The following CACNA1S variants were observed in gnomAD, a reference collection of about 807,000 sequenced individuals.
CACNA1S encodes the protein calcium voltage-gated channel subunit alpha1 S.
Under a neutral mutation model 207.4 loss-of-function variants are expected in CACNA1S, and 126 were observed. The ratio of observed to expected loss-of-function variants is 0.61; its 90% CI spans 0.53 to 0.70. CACNA1S has a LOEUF of 0.70. Among genes scored for constraint, CACNA1S ranks in the 30% least tolerant of loss-of-function variants. The pLI is 0.00. For synonymous variants in CACNA1S, 960 were observed against 932.7 expected (o/e 1.03, Z -0.53); for missense variants, 2,349 against 2,422.8 (o/e 0.97, Z 0.64).
Position 201,089,482 on chromosome 1 carries a change from G to T in CACNA1S, c.695-19C>A. The T allele has an allele frequency of 6.2e-7, 1 of 1,612,090 alleles. No homozygotes were observed. The highest frequency in any genetic ancestry group is 2.2e-5 in the East Asian group (1 of 44,854). On this transcript the variant is annotated intron_variant, in intron 5 of 43. Transcript: ENST00000362061. ...ACGATATCTGGAGGCAGAAGGCAAA[G>T]GGAACATCAGACAACAGTAGTAGGT...
At position 201,070,278 on chromosome 1, in the gene CACNA1S, G is replaced by T; in HGVS notation, c.2354C>A (p.Thr785Asn). ...GCAGCCAAGGGGCACCCACTTATTG[G>T]TGGGGCTGAAGATGAAGAAGGAGCT... ...EASSFFIFSPTNKIRVLCHRI... is the reference protein window; with the variant it reads ...EASSFFIFSPNNKIRVLCHRI... The change falls in exon 17 of 44, where the codon ACC becomes AAC. Residue 785 changes from threonine to asparagine, a missense_variant. By Grantham distance (65) the Thr-to-Asn change is moderately conservative. Coordinates refer to ENST00000362061, the MANE Select transcript of CACNA1S (RefSeq NM_000069.3). 6.2e-7 allele frequency: 1 copy of T among 1,614,024 alleles called. No individual in the cohort carries two copies. Among genetic ancestry groups the T allele is most frequent in the African/African-American group, 1.3e-5 (1 of 75,056 alleles).
At chr1:201,107,097 G>A (rs932298218) in intron 2 of CACNA1S, among the ~76,000 whole-genome samples, 1 of 152,234 alleles carries the variant, frequency 6.6e-6, no homozygotes, top group Admixed American at 6.5e-5. Context: ...CCTTTTGTGA[G>A]CCAAGGTTCC....
Position 201,070,525 on chromosome 1 carries a change from C to G in CACNA1S, c.2228-121G>C, listed in dbSNP as rs1474096090. ...AGTAAGCAAGGGACCACCAGGCTGA[C>G]TTGGGACCCTAGGGCTTTGGCAGAG... On this transcript the variant is annotated intron_variant, in intron 16 of 43. Transcript: ENST00000362061. 2.2e-6 allele frequency: 3 copies of G among 1,358,904 alleles called. No homozygotes were observed. In the African/African-American group the frequency reaches 4.3e-5, roughly 19 times the overall value. 84.2% of individuals were successfully genotyped at this position (1,358,904 alleles called of 1,614,324 possible).
intron 5 of CACNA1S, among the ~76,000 whole-genome samples, chr1:201,090,238 G>A (rs1286053875): frequency 1.3e-5 from 2 of 152,212 alleles, no homozygotes; most frequent in Admixed American, 6.5e-5. Flanking sequence ...CCCGATCCGA[G>A]AGGGGCTTTT....
Position 201,039,699 on chromosome 1 carries a change from G to T in CACNA1S, c.*132C>A. On this transcript the variant is annotated 3_prime_UTR_variant, in exon 44 of 44. Transcript: ENST00000362061. ...TTTTGAGGTGGTTCCTGACCACCCTGCCTCAGGCCATGCATCTAGCTGCTG... is the reference window on the plus strand; with the variant it reads ...TTTTGAGGTGGTTCCTGACCACCCTTCCTCAGGCCATGCATCTAGCTGCTG... The T allele has an allele frequency of 7.9e-7, 1 of 1,264,614 alleles. No individual in the cohort carries two copies. Among genetic ancestry groups the T allele is most frequent in the Non-Finnish European group, 1.1e-6 (1 of 889,054 alleles). 78.3% of individuals were successfully genotyped at this position (1,264,614 alleles called of 1,614,324 possible).
At chr1:201,048,064 C>T (rs1250299690) in intron 36 of CACNA1S, among the ~76,000 whole-genome samples, 2 of 152,236 alleles carry the variant, frequency 1.3e-5, no homozygotes, top group African/African-American at 2.4e-5. Flanking sequence ...GAGTGGTCCC[C>T]ATGTGGGGAT....
At chr1:201,102,747 T>C (rs1354216006) in intron 2 of CACNA1S, among the ~76,000 whole-genome samples, 1 of 152,196 alleles carries the variant, frequency 6.6e-6, no homozygotes, top group African/African-American at 2.4e-5. Flanking sequence ...ATGATATGTA[T>C]AGACAGTTTG....
intron 12 of CACNA1S, 89 bp downstream of exon 12, chr1:201,076,831 G>A: frequency 8.3e-7 from 1 of 1,199,382 alleles, no homozygotes; most frequent in Non-Finnish European, 1.2e-6. Context: ...AGGCTTCCTG[G>A]AGAAGGTGAT....
At chr1:201,101,612 G>A (rs12405259) in intron 2 of CACNA1S, among the ~76,000 whole-genome samples, 17,693 of 152,182 alleles carry the variant, frequency 0.12, 1,092 homozygotes, top group Non-Finnish European at 0.12. Flanking sequence ...AGAGAGACTC[G>A]CACCTTTCAG....
intron 5 of CACNA1S, among the ~76,000 whole-genome samples, chr1:201,090,645 C>G (rs567927994): frequency 6.6e-6 from 1 of 152,120 alleles, no homozygotes; most frequent in Admixed American, 6.6e-5. Context: ...GAGTGGGACC[C>G]GAGATTCTTT....
chr1:201,045,469 T>C (rs1397384200), intron 38 of CACNA1S, among the ~76,000 whole-genome samples: 1 of 152,118 alleles, frequency 6.6e-6, no homozygotes, highest in Non-Finnish European at 1.5e-5. Context: ...GCATGGTGAC[T>C]CACGTCTGTA....
chr1:201,067,951 C>T (rs563814292), intron 19 of CACNA1S, among the ~76,000 whole-genome samples: 2 of 152,196 alleles, frequency 1.3e-5, no homozygotes, highest in Non-Finnish European at 2.9e-5. Flanking sequence ...TGTGAATGTG[C>T]ACGCGGGGGC....
rs140453525 is a variant in CACNA1S, at chr1:201,062,040, C to G, written c.2957G>C (p.Arg986Pro). 6.2e-7 allele frequency: 1 copy of G among 1,614,174 alleles called. No homozygotes were observed. Among genetic ancestry groups the G allele is most frequent in the South Asian group, 1.1e-5 (1 of 91,084 alleles). ...KDGDPMQIEL[R>P]HREWVHSDFH... ...GTCGCTGTGTACCCACTCGCGGTGACGCAGCTCTATCTGCATGGGGTCCCC... is the reference window on the plus strand; with the variant it reads ...GTCGCTGTGTACCCACTCGCGGTGAGGCAGCTCTATCTGCATGGGGTCCCC... Residue 986 changes from arginine to proline, a missense_variant, in exon 24 of 44, where the codon CGT (arginine) becomes CCT (proline). By Grantham distance (103) the Arg-to-Pro change is moderately radical (BLOSUM62 -2). Coordinates refer to ENST00000362061, the MANE Select transcript of CACNA1S (RefSeq NM_000069.3).
rs374608839 is a variant in CACNA1S at position 201,053,552 on chromosome 1, G to A, written c.3702C>T (p.Phe1234=). ...PDESARISSA[F]FRLFRVMRLI... ...GCCTCATGACACGGAACAGGCGGAA[G>A]AAGGCGCTGGAGATGCGGGCACTCT... The change falls in exon 30 of 44, where the codon TTC becomes TTT. Residue 1234 remains phenylalanine, a synonymous_variant. Transcript: ENST00000362061. The surrounding 1 kb of genome is among the most constrained non-coding windows in gnomAD (Gnocchi z 5.1). 4 of 1,613,854 alleles carry A rather than the reference G, an allele frequency of 2.5e-6. No homozygotes were observed. The highest frequency in any genetic ancestry group is 3.4e-6 in the Non-Finnish European group (4 of 1,179,958).
At chr1:201,042,704 T>C (rs1253813977) in intron 40 of CACNA1S, among the ~76,000 whole-genome samples, 1 of 152,246 alleles carries the variant, frequency 6.6e-6, no homozygotes, top group East Asian at 1.9e-4. Flanking sequence ...GGGCTAAGCC[T>C]TTCCAGGCCG....
At position 201,065,881 on chromosome 1, in the gene CACNA1S, A is replaced by G; in HGVS notation, c.2810T>C (p.Leu937Pro). 1 of 1,614,066 alleles carries G rather than the reference A, an allele frequency of 6.2e-7. No individual in the cohort carries two copies. The highest frequency in any genetic ancestry group is 1.7e-5 in the Admixed American group (1 of 60,026). ...TIGNIVLVTT[L>P]LQFMFACIGV... ...GATGCAGGCAAACATGAACTGTAGG[A>G]GGGTAGTGACCAGCACGATGTTCCC... The change falls in exon 22 of 44, where the codon CTC becomes CCC. Residue 937 changes from leucine (L) to proline (P), a missense_variant. Coordinates refer to ENST00000362061, the MANE Select transcript of CACNA1S (RefSeq NM_000069.3).
chr1:201,062,144 C>T, intron 23 of CACNA1S, 54 bp from the exon 24 acceptor site: 4 of 1,591,216 alleles, frequency 2.5e-6, no homozygotes, highest in South Asian at 2.3e-5. Flanking sequence ...TGCCTTGCCC[C>T]ACCCACATCC....
intron 8 of CACNA1S, 28 bp from the exon 9 acceptor site, chr1:201,085,059 A>G (rs764324402): frequency 6.4e-7 from 1 of 1,568,198 alleles, no homozygotes; most frequent in South Asian, 1.1e-5. Context: ...AGAGTCAGCC[A>G]GCCTTCGGGG....
At chr1:201,056,084 C>CACACACACAT (rs375386445) in intron 28 of CACNA1S, among the ~76,000 whole-genome samples, 89 of 151,122 alleles carry the variant, frequency 5.9e-4, no homozygotes, top group Middle Eastern at 3.4e-3. Flanking sequence ...CACACACACA[C>CACACACACAT]ACACACACAC....
Sources: allele counts gnomAD v4.1 joint callset (sites outside exome capture counted in the v4.1 genomes callset), GRCh38; gene constraint gnomAD v4.1.1; non-coding constraint Gnocchi (gnomAD v3.1); transcripts MANE v1.5; gene names NCBI Gene and HGNC (gene_info 2026-07-23, HGNC 2026-07-21).